The following ZHX2 variants were observed in gnomAD, a reference collection of about 807,000 sequenced individuals.
ZHX2 encodes zinc fingers and homeoboxes protein 2.
In ZHX2, 6 loss-of-function variants were observed where a neutral mutation model predicts 21.9. That is an observed-to-expected ratio of 0.27 (90% confidence interval 0.15 to 0.54). ZHX2 has a LOEUF of 0.54. Among genes scored for constraint, ZHX2 ranks in the 20% least tolerant of loss-of-function variants. The pLI, the probability that ZHX2 is intolerant of heterozygous loss-of-function variation, is 0.95. For synonymous variants in ZHX2, 434 were observed against 437.1 expected (o/e 0.99, Z 0.09); for missense variants, 908 against 1,090.7 (o/e 0.83, Z 2.36).
chr8:122,893,377 G>T (rs535254169), intron 2 of ZHX2, among the ~76,000 whole-genome samples: 2 of 152,118 alleles, frequency 1.3e-5, no homozygotes, highest in African/African-American at 4.8e-5. Context: ...GACTTGGGAA[G>T]TTTTCATCTA....
intron 1 of ZHX2, among the ~76,000 whole-genome samples, chr8:122,805,054 C>A (rs1488567317): frequency 1.3e-5 from 2 of 152,128 alleles, no homozygotes; most frequent in African/African-American, 2.4e-5. Flanking sequence ...CATTCTGTGA[C>A]ACTAAGAATC....
At chr8:122,928,412 G>C (rs554177573) in intron 2 of ZHX2, among the ~76,000 whole-genome samples, 14 of 152,284 alleles carry the variant, frequency 9.2e-5, no homozygotes, top group African/African-American at 3.1e-4. Flanking sequence ...TGTGGCTTAG[G>C]GGGCAGAATG....
intron 3 of ZHX2, among the ~76,000 whole-genome samples, chr8:122,961,026 C>T (rs1299150537): frequency 3.3e-5 from 5 of 152,246 alleles, no homozygotes; most frequent in Admixed American, 3.3e-4. Flanking sequence ...AACCTTAATA[C>T]TTACTGTATT....
chr8:122,862,518 C>T (rs1001790410), intron 1 of ZHX2, among the ~76,000 whole-genome samples: 3 of 152,172 alleles, frequency 2.0e-5, no homozygotes, highest in Non-Finnish European at 4.4e-5. Flanking sequence ...GGGCCTGGGA[C>T]TCTGTGTGTG....
chr8:122,835,859 C>A (rs910203110), intron 1 of ZHX2, among the ~76,000 whole-genome samples: 2 of 152,180 alleles, frequency 1.3e-5, no homozygotes, highest in Non-Finnish European at 2.9e-5. Flanking sequence ...TTGAATGTTT[C>A]ATTTGCGGGC....
intron 3 of ZHX2, among the ~76,000 whole-genome samples, chr8:122,969,560 A>G (rs1038166291): frequency 1.3e-5 from 2 of 152,206 alleles, no homozygotes; most frequent in African/African-American, 4.8e-5. Context: ...AAGCTAGGGC[A>G]AAGAGGGAAA....
intron 1 of ZHX2, among the ~76,000 whole-genome samples, chr8:122,830,507 A>G (rs1818352499): frequency 6.6e-6 from 1 of 152,190 alleles, no homozygotes; most frequent in African/African-American, 2.4e-5. Context: ...CAGGCGGGAC[A>G]TAGGGGGTGG....
At chr8:122,848,940 G>T (rs1434252791) in intron 1 of ZHX2, among the ~76,000 whole-genome samples, 1 of 152,204 alleles carries the variant, frequency 6.6e-6, no homozygotes, top group Admixed American at 6.5e-5. Flanking sequence ...TGAGTGCTGA[G>T]GTGCCACTGA....
At chr8:122,834,178 C>T (rs1020394068) in intron 1 of ZHX2, among the ~76,000 whole-genome samples, 6 of 152,088 alleles carry the variant, frequency 3.9e-5, no homozygotes, top group African/African-American at 1.2e-4. Context: ...AATAACATAC[C>T]GGCCCACCTG....
intron 1 of ZHX2, among the ~76,000 whole-genome samples, chr8:122,784,079 A>C (rs1290840163): frequency 6.6e-6 from 1 of 152,222 alleles, no homozygotes; most frequent in Admixed American, 6.5e-5. Context: ...TTGAAGGGGG[A>C]AAACACCACT....
intron 1 of ZHX2, among the ~76,000 whole-genome samples, chr8:122,853,621 T>C (rs1818955891): frequency 6.6e-6 from 1 of 152,146 alleles, no homozygotes; most frequent in Non-Finnish European, 1.5e-5. Context: ...GCCGTGCCCT[T>C]GCTCTGGACC....
rs146305710 is a variant in ZHX2, at chr8:122,963,566, G to A, written c.*4+9538G>A. ...GAAGTAAGGTAATGTGATGCCCCCA[G>A]ATTTGTTCTTTTTGCTTAGTCTTGC... On this transcript the variant is annotated intron_variant, in intron 3 of 3. Coordinates refer to ENST00000314393, the MANE Select transcript of ZHX2 (RefSeq NM_014943.5). 2.3e-3 allele frequency among the ~76,000 whole-genome samples: 357 copies of A among 152,216 alleles called. 1 individual carries two copies. Among genetic ancestry groups the A allele is most frequent in the Middle Eastern group, 6.8e-3 (2 of 294 alleles).
chr8:122,899,296 T>C (rs1820172361), intron 2 of ZHX2, among the ~76,000 whole-genome samples: 1 of 152,138 alleles, frequency 6.6e-6, no homozygotes, highest in Non-Finnish European at 1.5e-5. Context: ...TTCACAGCAC[T>C]GGGAACATTT....
intron 1 of ZHX2, among the ~76,000 whole-genome samples, chr8:122,796,376 GT>G (rs1039255179): frequency 3.3e-5 from 5 of 152,230 alleles, no homozygotes; most frequent in African/African-American, 1.2e-4. Context: ...TTGCAGTTTT[GT>G]CACCAGTGGG....
chr8:122,810,275 TG>T (rs1252828388), intron 1 of ZHX2, among the ~76,000 whole-genome samples: 3 of 152,148 alleles, frequency 2.0e-5, no homozygotes, highest in South Asian at 2.1e-4. Context: ...TTCTGTAAAA[TG>T]GGGGGTAGTA....
intron 2 of ZHX2, among the ~76,000 whole-genome samples, chr8:122,924,147 C>G (rs2130099623): frequency 1.3e-5 from 2 of 152,242 alleles, no homozygotes; most frequent in South Asian, 4.1e-4. Context: ...GGGAGAGATT[C>G]ATTGTCTTCT....
rs904209921 is a variant in ZHX2, at chr8:122,782,335, G to A, written c.-283+389G>A. ...ATATGGCGTCCGCTTTCGACAGGGC[G>A]TTACGTAGACCCGACTGTTTTTATT... is the stretch of plus-strand genomic sequence containing the variant. On this transcript the variant is annotated intron_variant, in intron 1 of 3. Transcript: ENST00000314393. The surrounding 1 kb of genome is among the most constrained non-coding windows in gnomAD (Gnocchi z 5.3). Among the ~76,000 whole-genome samples the A allele has an allele frequency of 1.6e-4, 24 of 152,160 alleles. No homozygotes were observed. The highest frequency in any genetic ancestry group is 4.4e-5 in the Non-Finnish European group (3 of 68,022).
chr8:122,787,993 A>G (rs1281970485), intron 1 of ZHX2, among the ~76,000 whole-genome samples: 1 of 152,202 alleles, frequency 6.6e-6, no homozygotes, highest in East Asian at 1.9e-4. Context: ...TTATGCCCCC[A>G]CAGCCATCTC....
At chr8:122,893,077 A>T (rs1820019715) in intron 2 of ZHX2, among the ~76,000 whole-genome samples, 1 of 152,190 alleles carries the variant, frequency 6.6e-6, no homozygotes, top group Admixed American at 6.5e-5. Flanking sequence ...TTTCTGAAGG[A>T]TAGCTTTGCT....
Sources: allele counts gnomAD v4.1 joint callset (sites outside exome capture counted in the v4.1 genomes callset), GRCh38; gene constraint gnomAD v4.1.1; non-coding constraint Gnocchi (gnomAD v3.1); transcripts MANE v1.5; gene names NCBI Gene and HGNC (gene_info 2026-07-23, HGNC 2026-07-21).